Variants in HDAC9 observed in about 807,000 individuals in gnomAD.
The protein encoded by HDAC9 is histone deacetylase 9, also known as MEF-2 interacting transcription repressor (MITR) protein.
In HDAC9, 41 loss-of-function variants were observed where a neutral mutation model predicts 139.4. The ratio of observed to expected loss-of-function variants is 0.29; its 90% CI spans 0.23 to 0.38. The LOEUF is 0.38. Among genes scored for constraint, HDAC9 ranks in the 10% least tolerant of loss-of-function variants. HDAC9 has a pLI of 1.00. For synonymous variants in HDAC9, 517 were observed against 476.2 expected, an observed-to-expected ratio of 1.09 and a Z score of -1.12; for missense variants, 1,147 against 1,297.0, an observed-to-expected ratio of 0.88 and a Z score of 1.78.
intron 22 of HDAC9, among the ~76,000 whole-genome samples, chr7:18,909,904 T>C (rs911362261): frequency 6.6e-6 from 1 of 152,020 alleles, no homozygotes; most frequent in Non-Finnish European, 1.5e-5. Context: ...CTTTTAGCTT[T>C]CGTTTTTTTT....
intron 1 of HDAC9, among the ~76,000 whole-genome samples, chr7:18,125,665 G>A (rs900009746): frequency 6.6e-6 from 1 of 151,976 alleles, no homozygotes; most frequent in Non-Finnish European, 1.5e-5. Context: ...CAGCAAGATA[G>A]TAAATATTTT....
chr7:18,307,803 A>C (rs1318824079), intron 1 of HDAC9, among the ~76,000 whole-genome samples: 2 of 152,176 alleles, frequency 1.3e-5, no homozygotes, highest in Non-Finnish European at 2.9e-5. Flanking sequence ...ACTCTGTCCC[A>C]AATTTTTTTT....
In HDAC9 at chr7:18,342,934, T is replaced by C. The variant is rs1290660293; in HGVS notation, c.-42+52419T>C. ...GAAAGACAGGTGGTAACTGTGAATATAGTTAGTTGGGTAAAATTTCTTGGG... is the reference window on the plus strand; with the variant it reads ...GAAAGACAGGTGGTAACTGTGAATACAGTTAGTTGGGTAAAATTTCTTGGG... On this transcript the variant is annotated intron_variant, in intron 1 of 3. Transcript: ENST00000413509. Among the ~76,000 whole-genome samples the C allele has an allele frequency of 2.0e-5, 3 of 151,950 alleles. No homozygotes were observed. In the East Asian group the frequency reaches 5.8e-4, roughly 29 times the overall value.
chr7:18,717,244 C>A (rs1784768530), intron 12 of HDAC9, among the ~76,000 whole-genome samples: 1 of 152,012 alleles, frequency 6.6e-6, no homozygotes, highest in African/African-American at 2.4e-5. Flanking sequence ...TGAGCATACA[C>A]CTGTTAATCC....
chr7:18,582,297 T>C (rs1371767334), intron 2 of HDAC9, among the ~76,000 whole-genome samples: 1 of 152,202 alleles, frequency 6.6e-6, no homozygotes, highest in Non-Finnish European at 1.5e-5. Context: ...ATCATTCATA[T>C]TTCCGTCTAA....
intron 12 of HDAC9, among the ~76,000 whole-genome samples, chr7:18,669,845 G>T (rs1795556201): frequency 6.6e-6 from 1 of 151,602 alleles, no homozygotes; most frequent in Non-Finnish European, 1.5e-5. Flanking sequence ...TTTTTCTTCT[G>T]GAAGTAAAAA....
intron 2 of HDAC9, among the ~76,000 whole-genome samples, chr7:18,503,980 A>G: frequency 6.6e-6 from 1 of 152,222 alleles, no homozygotes; most frequent in East Asian, 1.9e-4. Flanking sequence ...AACAAAAAAT[A>G]AGTAAATTTC....
At chr7:18,719,331 CTTTTTTTTTTTTT>C (rs757689693) in intron 12 of HDAC9, among the ~76,000 whole-genome samples, 6 of 73,896 alleles carry the variant, frequency 8.1e-5, no homozygotes, top group Admixed American at 1.6e-4. Context: ...TTTTCTCTTC[CTTTTTTTTTTTTT>C]TTTTTTTTTT....
intron 17 of HDAC9, among the ~76,000 whole-genome samples, chr7:18,806,513 T>A (rs1001917046): frequency 6.6e-6 from 1 of 152,164 alleles, no homozygotes; most frequent in Non-Finnish European, 1.5e-5. Flanking sequence ...GGAATCCTCA[T>A]GTTGTCATTT....
At chr7:18,769,728 T>C (rs1301922847) in intron 16 of HDAC9, among the ~76,000 whole-genome samples, 1 of 152,128 alleles carries the variant, frequency 6.6e-6, no homozygotes, top group East Asian at 1.9e-4. Flanking sequence ...ATCCTCTTGA[T>C]TTAAGCCTGT....
intron 2 of HDAC9, among the ~76,000 whole-genome samples, chr7:18,555,440 G>A (rs1006572555): frequency 6.6e-6 from 1 of 152,110 alleles, no homozygotes; most frequent in Non-Finnish European, 1.5e-5. Flanking sequence ...ACAATTGTGG[G>A]GAATTGTGTG....
intron 12 of HDAC9, among the ~76,000 whole-genome samples, chr7:18,671,168 A>T (rs543470754): frequency 1.3e-5 from 2 of 152,022 alleles, no homozygotes; most frequent in Non-Finnish European, 2.9e-5. Context: ...AAACCTATCA[A>T]GGACACGCTT....
At chr7:18,463,649 GT>G (rs1327465334) in intron 1 of HDAC9, among the ~76,000 whole-genome samples, 4 of 151,486 alleles carry the variant, frequency 2.6e-5, no homozygotes, top group African/African-American at 7.3e-5. Flanking sequence ...ATTTCCTTCA[GT>G]TTAACTTTTA....
chr7:18,838,414 G>A (rs770902229), intron 21 of HDAC9, among the ~76,000 whole-genome samples: 6 of 151,750 alleles, frequency 4.0e-5, no homozygotes, highest in Middle Eastern at 3.2e-3. Context: ...AGTTGGAGTC[G>A]GGGGTATTCA....
At chr7:18,657,433 A>T (rs142364288) in intron 11 of HDAC9, among the ~76,000 whole-genome samples, 1 of 152,136 alleles carries the variant, frequency 6.6e-6, no homozygotes, top group East Asian at 1.9e-4. Flanking sequence ...GAAAATAAGG[A>T]TGCCTTTCCA....
At chr7:18,836,036 A>G (rs1227394319) in intron 21 of HDAC9, 39 bp downstream of exon 21, 7 of 1,130,176 alleles carry the variant, frequency 6.2e-6, no homozygotes, top group Admixed American at 2.4e-5. Context: ...CAAATTGGAA[A>G]ATAAATGTCC....
At chr7:18,895,242 G>C (rs1009158745) in intron 22 of HDAC9, among the ~76,000 whole-genome samples, 5 of 152,164 alleles carry the variant, frequency 3.3e-5, no homozygotes, top group Admixed American at 6.6e-5. Flanking sequence ...GCTAGGCAGA[G>C]AGCTGGATGT....
At chr7:18,607,208 G>C (rs1455703498) in intron 6 of HDAC9, among the ~76,000 whole-genome samples, 1 of 152,164 alleles carries the variant, frequency 6.6e-6, no homozygotes, top group Non-Finnish European at 1.5e-5. Flanking sequence ...GGAGCTAAGA[G>C]CAAGTATCAA....
At chr7:18,632,017 T>G (rs1782502633) in intron 7 of HDAC9, among the ~76,000 whole-genome samples, 1 of 151,766 alleles carries the variant, frequency 6.6e-6, no homozygotes, top group South Asian at 2.1e-4. Context: ...AATTTAAAAT[T>G]GGTAAGACAG....
Sources: allele counts gnomAD v4.1 joint callset (sites outside exome capture counted in the v4.1 genomes callset), GRCh38; gene constraint gnomAD v4.1.1; transcripts MANE v1.5; gene names NCBI Gene and HGNC (gene_info 2026-07-23, HGNC 2026-07-21).